Variants in CNTNAP5 observed in about 807,000 individuals in gnomAD.
CNTNAP5 encodes the protein contactin associated protein family member 5, also known as contactin-associated protein-like 5.
Under a neutral mutation model 150.2 loss-of-function variants are expected in CNTNAP5, and 72 were observed. The observed-to-expected ratio is 0.48, with a 90% CI of 0.40 to 0.58. CNTNAP5 has a LOEUF of 0.58. Among genes scored for constraint, CNTNAP5 ranks in the 20% least tolerant of loss-of-function variants. The probability of loss-of-function intolerance (pLI) is 0.00; values close to 1 mark genes in which losing one functional copy is unlikely to be tolerated. For missense variants in CNTNAP5, 1,636 were observed against 1,626.2 expected, an observed-to-expected ratio of 1.01 and a Z score of -0.10; for synonymous variants, 672 against 619.8, an observed-to-expected ratio of 1.08 and a Z score of -1.25.
intron 13 of CNTNAP5, among the ~76,000 whole-genome samples, chr2:124,695,417 C>T (rs1045297521): frequency 5.9e-5 from 9 of 152,154 alleles, no homozygotes; most frequent in Admixed American, 2.6e-4. Context: ...CTATGTTTCA[C>T]AGCCAATTCA....
chr2:124,051,668 C>T (rs540209221), intron 1 of CNTNAP5, among the ~76,000 whole-genome samples: 51 of 152,256 alleles, frequency 3.3e-4, no homozygotes, highest in African/African-American at 1.1e-3. Flanking sequence ...AAGTTGATTC[C>T]AACCCAGATA....
At chr2:124,273,768 A>G (rs541212608) in intron 3 of CNTNAP5, among the ~76,000 whole-genome samples, 1 of 152,320 alleles carries the variant, frequency 6.6e-6, no homozygotes, top group East Asian at 1.9e-4. Context: ...CTTCATAATG[A>G]AAATGTGTGT....
At chr2:124,056,813 G>A (rs547160390) in intron 1 of CNTNAP5, among the ~76,000 whole-genome samples, 23 of 152,204 alleles carry the variant, frequency 1.5e-4, no homozygotes, top group Non-Finnish European at 2.8e-4. Flanking sequence ...TTATCCTATG[G>A]GCCAGTCCAC....
intron 6 of CNTNAP5, among the ~76,000 whole-genome samples, chr2:124,451,891 A>G (rs1692990343): frequency 6.6e-6 from 1 of 152,136 alleles, no homozygotes; most frequent in African/African-American, 2.4e-5. Flanking sequence ...AAAAAGGAGG[A>G]AAATCCCTGT....
chr2:124,770,759 A>G (rs748188467), intron 16 of CNTNAP5, among the ~76,000 whole-genome samples: 3 of 152,194 alleles, frequency 2.0e-5, no homozygotes, highest in Non-Finnish European at 4.4e-5. Flanking sequence ...CAATTTGCCT[A>G]GGTTGAAAAA....
At chr2:124,820,274 A>C (rs543212515) in intron 19 of CNTNAP5, among the ~76,000 whole-genome samples, 1 of 152,276 alleles carries the variant, frequency 6.6e-6, no homozygotes, top group Non-Finnish European at 1.5e-5. Context: ...TCATCATAAT[A>C]ATTGGGGATT....
At chr2:124,275,922 T>C (rs575844931) in intron 3 of CNTNAP5, among the ~76,000 whole-genome samples, 2 of 152,308 alleles carry the variant, frequency 1.3e-5, no homozygotes, top group East Asian at 3.9e-4. Context: ...GGATTCCTCA[T>C]GTGACTTTTA....
At chr2:124,411,037 A>C (rs1691744929) in intron 3 of CNTNAP5, among the ~76,000 whole-genome samples, 1 of 152,360 alleles carries the variant, frequency 6.6e-6, no homozygotes, top group Non-Finnish European at 1.5e-5. Flanking sequence ...ATAAAAAAAG[A>C]TAAAGGGGAT....
chr2:124,309,868 G>A (rs1688780197), intron 3 of CNTNAP5, among the ~76,000 whole-genome samples: 1 of 152,102 alleles, frequency 6.6e-6, no homozygotes, highest in African/African-American at 2.4e-5. Flanking sequence ...TCTATTCCAC[G>A]GATTTATCTG....
At chr2:124,157,845 A>AC (rs1684581684) in intron 1 of CNTNAP5, among the ~76,000 whole-genome samples, 1 of 152,162 alleles carries the variant, frequency 6.6e-6, no homozygotes, top group Non-Finnish European at 1.5e-5. Context: ...AAAGTCTAGG[A>AC]CAATCATGGA....
chr2:124,838,369 G>A (rs1573651375), intron 19 of CNTNAP5, among the ~76,000 whole-genome samples: 2 of 152,184 alleles, frequency 1.3e-5, no homozygotes, highest in Middle Eastern at 3.4e-3. Context: ...TCTTAAACAC[G>A]ATTCTGGCCT....
intron 13 of CNTNAP5, among the ~76,000 whole-genome samples, chr2:124,733,037 C>T (rs1341699499): frequency 6.6e-6 from 1 of 152,136 alleles, no homozygotes; most frequent in Non-Finnish European, 1.5e-5. Context: ...GCAACATTTA[C>T]TCCCTGTTCA....
At chr2:124,104,810 G>A (rs1205397049) in intron 1 of CNTNAP5, among the ~76,000 whole-genome samples, 2 of 152,138 alleles carry the variant, frequency 1.3e-5, no homozygotes, top group Non-Finnish European at 2.9e-5. Flanking sequence ...ATTCAAAACA[G>A]CATAGGAGCC....
intron 21 of CNTNAP5, among the ~76,000 whole-genome samples, chr2:124,897,195 A>G (rs904614173): frequency 1.3e-5 from 2 of 151,530 alleles, no homozygotes; most frequent in African/African-American, 4.9e-5. Context: ...AACCATAAAT[A>G]TACATGTTAG....
rs1678853821 is a variant in CNTNAP5 at position 124,920,626 on chromosome 2, T to C, written c.*6338T>C. Among the ~76,000 whole-genome samples the C allele has an allele frequency of 6.6e-6, 1 of 152,118 alleles. No individual in the cohort carries two copies. The highest frequency in any genetic ancestry group is 2.4e-5 in the African/African-American group (1 of 41,430). On this transcript the variant is annotated 3_prime_UTR_variant, in exon 24 of 24. Transcript: ENST00000682447. ...AGGCCTCCTGATATCCTGTGTTGCC[T>C]TGGACTAACATTTTCCTTAGTCACT...
At chr2:124,643,474 G>A (rs1188521115) in intron 12 of CNTNAP5, among the ~76,000 whole-genome samples, 4 of 151,988 alleles carry the variant, frequency 2.6e-5, no homozygotes, top group Non-Finnish European at 5.9e-5. Context: ...AGATACATAG[G>A]GCAATTCTAT....
intron 2 of CNTNAP5, among the ~76,000 whole-genome samples, chr2:124,226,866 T>C (rs986583460): frequency 3.3e-5 from 5 of 152,068 alleles, no homozygotes; most frequent in African/African-American, 1.2e-4. Context: ...TCTAACATGG[T>C]AGCTCAGGTC....
intron 6 of CNTNAP5, 112 bp downstream of exon 6, chr2:124,447,049 C>A: frequency 2.0e-6 from 2 of 990,134 alleles, no homozygotes; most frequent in Non-Finnish European, 3.0e-6. Flanking sequence ...AGGAGTCTTA[C>A]CCTGGGACTT....
At chr2:124,111,745 C>T (rs985111488) in intron 1 of CNTNAP5, among the ~76,000 whole-genome samples, 17 of 152,292 alleles carry the variant, frequency 1.1e-4, no homozygotes, top group Non-Finnish European at 1.8e-4. Context: ...GTCTTCTTTC[C>T]GGTCCTTCTT....
Sources: allele counts gnomAD v4.1 joint callset (sites outside exome capture counted in the v4.1 genomes callset), GRCh38; gene constraint gnomAD v4.1.1; transcripts MANE v1.5; gene names NCBI Gene and HGNC (gene_info 2026-07-23, HGNC 2026-07-21).